Variants in HECW2 observed in about 807,000 individuals in gnomAD.
The protein encoded by HECW2 is E3 ubiquitin-protein ligase HECW2.
In HECW2, 61 loss-of-function variants were observed where a neutral mutation model predicts 175.2. The observed-to-expected ratio is 0.35, with a 90% CI of 0.28 to 0.43. The LOEUF (loss-of-function observed/expected upper bound fraction) is 0.43, where lower values mean the gene tolerates loss of function less well. Ranked by LOEUF, HECW2 falls within the 20% of genes least tolerant of loss-of-function variation. HECW2 has a pLI of 1.00. For missense variants in HECW2, 1,524 were observed against 2,000.5 expected, an observed-to-expected ratio of 0.76 and a Z score of 4.54; for synonymous variants, 671 against 731.0, an observed-to-expected ratio of 0.92 and a Z score of 1.32.
chr2:196,279,679 A>AT (rs1690113994), intron 14 of HECW2, among the ~76,000 whole-genome samples: 1 of 152,158 alleles, frequency 6.6e-6, no homozygotes, highest in Non-Finnish European at 1.5e-5. Flanking sequence ...TCAGTTTTTC[A>AT]TTACTCTTTA....
At position 196,381,145 on chromosome 2, in the gene HECW2, C is replaced by T. The variant is rs1575482828; in HGVS notation, c.293-37381G>A. On this transcript the variant is annotated intron_variant, in intron 2 of 28. Transcript: ENST00000644978. ...CTGCCATTTACAATAAGCACAGTTG[C>T]TTAAAGCATGATGCTCTTTAGAAAG... Among the ~76,000 whole-genome samples, 3 of 152,168 alleles carry T rather than the reference C, an allele frequency of 2.0e-5. No homozygotes were observed. The South Asian group carries it at 6.2e-4, about 32-fold the overall frequency.
chr2:196,274,146 T>C, intron 15 of HECW2, 23 bp from the exon 16 acceptor site: 1 of 1,573,542 alleles, frequency 6.4e-7, no homozygotes, highest in South Asian at 1.1e-5. Context: ...GCATCATTTA[T>C]GTTCTGCACC....
At chr2:196,266,941 A>C (rs953247882) in intron 17 of HECW2, among the ~76,000 whole-genome samples, 8 of 152,156 alleles carry the variant, frequency 5.3e-5, no homozygotes, top group Non-Finnish European at 1.2e-4. Context: ...ACACATATCC[A>C]TTTGCCTTTT....
intron 2 of HECW2, among the ~76,000 whole-genome samples, chr2:196,411,377 C>T (rs1398481401): frequency 6.6e-6 from 1 of 152,108 alleles, no homozygotes; most frequent in African/African-American, 2.4e-5. Context: ...GCTATCACTT[C>T]TAAAGGTAAC....
chr2:196,241,010 G>T (rs1246432024), intron 20 of HECW2, among the ~76,000 whole-genome samples: 1 of 30,498 alleles, frequency 3.3e-5, no homozygotes, highest in Non-Finnish European at 3.0e-4. Context: ...TGAGAACAAA[G>T]AGGAAAAAAA....
intron 1 of HECW2, among the ~76,000 whole-genome samples, chr2:196,548,191 T>C (rs1689486335): frequency 6.6e-6 from 1 of 151,472 alleles, no homozygotes; most frequent in Admixed American, 6.6e-5. Context: ...AGCCAGGCTG[T>C]GGTGGTTGCC....
At chr2:196,254,989 T>C (rs1025948224) in intron 18 of HECW2, among the ~76,000 whole-genome samples, 12 of 95,280 alleles carry the variant, frequency 1.3e-4, no homozygotes, top group Admixed American at 9.4e-4. Flanking sequence ...TTTTTTTTTT[T>C]CTGAGACAGA....
At chr2:196,280,035 A>G (rs1690127703) in intron 14 of HECW2, among the ~76,000 whole-genome samples, 1 of 152,100 alleles carries the variant, frequency 6.6e-6, no homozygotes, top group South Asian at 2.1e-4. Flanking sequence ...CATTATCCTT[A>G]GGGGCCCAAT....
intron 1 of HECW2, among the ~76,000 whole-genome samples, chr2:196,458,085 C>T (rs1472142939): frequency 6.6e-6 from 1 of 151,886 alleles, no homozygotes; most frequent in East Asian, 1.9e-4. Context: ...GCCTGGGTAA[C>T]ATAGTGAGAC....
chr2:196,573,318 T>G (rs1179092405), intron 1 of HECW2, among the ~76,000 whole-genome samples: 1 of 151,962 alleles, frequency 6.6e-6, no homozygotes, highest in African/African-American at 2.4e-5. Flanking sequence ...CTTACAACAT[T>G]ATGAGGATGA....
At chr2:196,397,730 T>C (rs1694709715) in intron 2 of HECW2, among the ~76,000 whole-genome samples, 1 of 152,210 alleles carries the variant, frequency 6.6e-6, no homozygotes, top group Non-Finnish European at 1.5e-5. Context: ...TGTTTTCCCT[T>C]GGAAGTTGTT....
chr2:196,436,138 C>T (rs1251632144), intron 1 of HECW2, among the ~76,000 whole-genome samples: 9 of 152,176 alleles, frequency 5.9e-5, no homozygotes, highest in South Asian at 4.1e-4. Context: ...TGGTGGCACG[C>T]GCCTGTAATC....
intron 2 of HECW2, among the ~76,000 whole-genome samples, chr2:196,401,903 C>T (rs1370630545): frequency 1.3e-5 from 2 of 152,022 alleles, no homozygotes; most frequent in Non-Finnish European, 2.9e-5. Context: ...AACTAGGCGT[C>T]ATAAGAAGGG....
intron 1 of HECW2, among the ~76,000 whole-genome samples, chr2:196,474,172 T>C (rs1453181117): frequency 4.6e-5 from 7 of 152,240 alleles, no homozygotes; most frequent in African/African-American, 9.6e-5. Context: ...TTACTGCCAA[T>C]AGCATTCATA....
chr2:196,301,648 A>G (rs1337297467), intron 13 of HECW2, among the ~76,000 whole-genome samples: 2 of 149,986 alleles, frequency 1.3e-5, no homozygotes, highest in East Asian at 3.9e-4. Flanking sequence ...GCTTTTTTTC[A>G]TGTGTTTGTA....
intron 1 of HECW2, among the ~76,000 whole-genome samples, chr2:196,525,176 A>G (rs1388879438): frequency 1.4e-5 from 2 of 147,324 alleles, no homozygotes; most frequent in African/African-American, 5.2e-5. Flanking sequence ...TTGGGTGCAT[A>G]TATATTTAGG....
chr2:196,281,858 CTA>C (rs1690201723), intron 14 of HECW2, among the ~76,000 whole-genome samples: 1 of 151,962 alleles, frequency 6.6e-6, no homozygotes, highest in Non-Finnish European at 1.5e-5. Context: ...GTTCTGAGCT[CTA>C]GTTTGCTACT....
intron 1 of HECW2, among the ~76,000 whole-genome samples, chr2:196,562,597 T>G (rs1690041857): frequency 6.6e-6 from 1 of 152,206 alleles, no homozygotes; most frequent in South Asian, 2.1e-4. Context: ...GCCTTATCAC[T>G]GCATTTCCAA....
At position 196,262,652 on chromosome 2, in the gene HECW2, G is replaced by A. The variant is rs562003219; in HGVS notation, c.3336-4746C>T. ...CCAATCTCGACTCACTGCAACCTCT[G>A]CCTCCCGGGTTCAAGTGATTCTCCT... On this transcript the variant is annotated intron_variant, in intron 17 of 28. Transcript: ENST00000644978. Among the ~76,000 whole-genome samples, 512 of 151,006 alleles carry A rather than the reference G, an allele frequency of 3.4e-3. 7 individuals are homozygous for A. Among genetic ancestry groups the A allele is most frequent in the Non-Finnish European group, 4.5e-3 (308 of 67,718 alleles).
Sources: gnomAD v4.1 joint callset for allele counts (sites outside exome capture counted in the v4.1 genomes callset) on GRCh38, gnomAD v4.1.1 for gene constraint, MANE v1.5 for transcripts, NCBI Gene and HGNC (gene_info 2026-07-23, HGNC 2026-07-21) for gene names.